The following KIAA1217 variants were observed in gnomAD, a reference collection of about 807,000 sequenced individuals.
The protein encoded by KIAA1217 is sickle tail protein homolog.
In KIAA1217, 88 loss-of-function variants were observed where a neutral mutation model predicts 163.9. That is an observed-to-expected ratio of 0.54 (90% CI 0.45 to 0.64). The LOEUF is 0.64. Ranked by LOEUF, KIAA1217 falls within the 30% of genes least tolerant of loss-of-function variation. The pLI, the probability that KIAA1217 is intolerant of heterozygous loss-of-function variation, is 0.00. For missense variants in KIAA1217, 2,372 were observed against 2,475.0 expected (o/e 0.96, Z 0.88); for synonymous variants, 903 against 923.1 (o/e 0.98, Z 0.39).
At chr10:24,222,760 T>G (rs1253047825) in intron 2 of KIAA1217, among the ~76,000 whole-genome samples, 1 of 152,126 alleles carries the variant, frequency 6.6e-6, no homozygotes, top group Non-Finnish European at 1.5e-5. Flanking sequence ...TCCACCTACC[T>G]CGGCCTCCCA....
chr10:24,310,432 C>T (rs2042556882), intron 2 of KIAA1217, among the ~76,000 whole-genome samples: 1 of 152,284 alleles, frequency 6.6e-6, no homozygotes, highest in Non-Finnish European at 1.5e-5. Flanking sequence ...GCCTTAGGAA[C>T]AAAGATGAGT....
chr10:24,120,304 A>G (rs1396077561), intron 2 of KIAA1217, among the ~76,000 whole-genome samples: 1 of 152,212 alleles, frequency 6.6e-6, no homozygotes, highest in Non-Finnish European at 1.5e-5. Flanking sequence ...AGCATTTGTG[A>G]CAATGGTATA....
intron 2 of KIAA1217, among the ~76,000 whole-genome samples, chr10:24,107,823 T>C (rs1389289804): frequency 6.6e-6 from 1 of 152,206 alleles, no homozygotes; most frequent in Non-Finnish European, 1.5e-5. Context: ...AAAGTGTTGC[T>C]TAGTGCTGCA....
At chr10:24,113,102 T>C (rs1203141411) in intron 2 of KIAA1217, among the ~76,000 whole-genome samples, 1 of 152,074 alleles carries the variant, frequency 6.6e-6, no homozygotes, top group Non-Finnish European at 1.5e-5. Flanking sequence ...CTTATTGCTT[T>C]AAGCCACTCA....
chr10:23,819,140 C>T (rs1385714341), intron 1 of KIAA1217, among the ~76,000 whole-genome samples: 1 of 152,154 alleles, frequency 6.6e-6, no homozygotes, highest in Non-Finnish European at 1.5e-5. Context: ...GTGCTGATGG[C>T]ACCTCATATT....
intron 7 of KIAA1217, chr10:24,494,937 G>T (rs2066598336): frequency 5.1e-6 from 3 of 589,694 alleles, no homozygotes; most frequent in Admixed American, 6.4e-5. Flanking sequence ...AAAGTCACAA[G>T]TGAGCCTGGC....
At chr10:23,918,731 T>TACACACACAC (rs200464517) in intron 1 of KIAA1217, among the ~76,000 whole-genome samples, 3 of 137,826 alleles carry the variant, frequency 2.2e-5, no homozygotes, top group African/African-American at 9.8e-5. Flanking sequence ...GAATTAAATA[T>TACACACACAC]ATACACACAC....
At chr10:24,306,363 A>G (rs1486345412) in intron 2 of KIAA1217, among the ~76,000 whole-genome samples, 7 of 152,192 alleles carry the variant, frequency 4.6e-5, no homozygotes, top group South Asian at 2.1e-4. Context: ...TGAAATCTTT[A>G]GGACTTTAAG....
chr10:23,786,875 C>T (rs1488600811), intron 1 of KIAA1217, among the ~76,000 whole-genome samples: 1 of 152,142 alleles, frequency 6.6e-6, no homozygotes, highest in African/African-American at 2.4e-5. Flanking sequence ...ATCATCAAAG[C>T]TTAACCTTTA....
At chr10:23,947,762 A>G (rs1564557002) in intron 1 of KIAA1217, among the ~76,000 whole-genome samples, 1 of 152,208 alleles carries the variant, frequency 6.6e-6, no homozygotes, top group Non-Finnish European at 1.5e-5. Flanking sequence ...TGCCTGCCTA[A>G]AGCTTATATT....
At chr10:24,157,968 T>C (rs2064953266) in intron 2 of KIAA1217, 1 of 740,830 alleles carries the variant, frequency 1.3e-6, no homozygotes, top group Admixed American at 1.9e-5. Context: ...CCAGCCCTGG[T>C]GACTCCACAA....
intron 1 of KIAA1217, among the ~76,000 whole-genome samples, chr10:24,211,595 T>TATTGTATTGTATTG (rs1564836416): frequency 8.6e-5 from 12 of 139,666 alleles, no homozygotes; most frequent in South Asian, 4.7e-4. Context: ...GTATTGTATT[T>TATTGTATTGTATTG]TATTTTATTT....
At chr10:24,128,538 A>C (rs1029712623) in intron 2 of KIAA1217, among the ~76,000 whole-genome samples, 1 of 152,194 alleles carries the variant, frequency 6.6e-6, no homozygotes, top group Non-Finnish European at 1.5e-5. Context: ...CTGCTGATGC[A>C]CACGACCTAT....
chr10:23,810,608 A>T, intron 1 of KIAA1217, among the ~76,000 whole-genome samples: 1 of 130,176 alleles, frequency 7.7e-6, no homozygotes, highest in Non-Finnish European at 1.5e-5. Flanking sequence ...TATATAAATT[A>T]TATAAATATA....
intron 1 of KIAA1217, among the ~76,000 whole-genome samples, chr10:23,858,904 C>T (rs116305621): frequency 1.3e-5 from 2 of 152,278 alleles, no homozygotes; most frequent in African/African-American, 4.8e-5. Flanking sequence ...CAAAATCGTC[C>T]TTACTTAGAT....
chr10:24,018,497 A>AT (rs1847587992), intron 2 of KIAA1217, among the ~76,000 whole-genome samples: 1 of 151,970 alleles, frequency 6.6e-6, no homozygotes, highest in Non-Finnish European at 1.5e-5. Flanking sequence ...AACATGGCAC[A>AT]TGTATACATA....
intron 1 of KIAA1217, among the ~76,000 whole-genome samples, chr10:23,930,458 C>G (rs1306233342): frequency 6.6e-6 from 1 of 152,166 alleles, no homozygotes; most frequent in Admixed American, 6.5e-5. Context: ...CACATTTGTT[C>G]TACATCCTGT....
chr10:23,950,590 TTCATGCATGCATGCATTCATGCATTG>T (rs1427122978), intron 1 of KIAA1217, among the ~76,000 whole-genome samples: 2 of 152,122 alleles, frequency 1.3e-5, no homozygotes, highest in African/African-American at 4.8e-5. Flanking sequence ...AATTATATTG[TTCATGCATGCATGCATTCATGCATTG>T]ATGAATTTCA....
At chr10:24,520,930 G>T (rs999602981) in intron 11 of KIAA1217, among the ~76,000 whole-genome samples, 1 of 149,104 alleles carries the variant, frequency 6.7e-6, no homozygotes, top group South Asian at 2.1e-4. Flanking sequence ...GGTGGCTCAC[G>T]CCTGCAATCC....
Sources: gnomAD v4.1 joint callset for allele counts (sites outside exome capture counted in the v4.1 genomes callset) on GRCh38, gnomAD v4.1.1 for gene constraint, MANE v1.5 for transcripts, NCBI Gene and HGNC (gene_info 2026-07-23, HGNC 2026-07-21) for gene names.